The following SCFD1 variants were observed in gnomAD, a reference collection of about 807,000 sequenced individuals.
SCFD1 encodes the protein sec1 family domain containing 1, also known as sec1 family domain-containing protein 1.
Under a neutral mutation model 103.2 loss-of-function variants are expected in SCFD1, and 37 were observed. The observed-to-expected ratio is 0.36, with a 90% confidence interval of 0.28 to 0.47. The LOEUF (loss-of-function observed/expected upper bound fraction) is 0.47. SCFD1 is among the 20% of genes least tolerant of loss of function. The pLI is 1.00. For synonymous variants in SCFD1, 264 were observed against 245.0 expected, an observed-to-expected ratio of 1.08 and a Z score of -0.73; for missense variants, 639 against 761.2, an observed-to-expected ratio of 0.84 and a Z score of 1.89.
intron 14 of SCFD1, among the ~76,000 whole-genome samples, chr14:30,675,642 A>G (rs1348583757): frequency 2.0e-5 from 3 of 149,696 alleles, no homozygotes; most frequent in Non-Finnish European, 4.4e-5. Flanking sequence ...GTATTCTGCT[A>G]TTATTTGTTC....
chr14:30,710,457 C>CT (rs201252038), intron 19 of SCFD1, among the ~76,000 whole-genome samples: 5,451 of 150,526 alleles, frequency 0.036, 151 homozygotes, highest in African/African-American at 0.062. Flanking sequence ...TCAATGTAGT[C>CT]TTTTTTTTGT....
chr14:30,657,838 G>C (rs1307961874), intron 10 of SCFD1, among the ~76,000 whole-genome samples: 1 of 151,976 alleles, frequency 6.6e-6, no homozygotes, highest in African/African-American at 2.4e-5. Context: ...AAATGTCTTT[G>C]CCTGAAAATC....
intron 19 of SCFD1, among the ~76,000 whole-genome samples, chr14:30,714,191 CAA>C (rs11439842): frequency 7.0e-6 from 1 of 143,242 alleles, no homozygotes. Flanking sequence ...ACTAAAAATA[CAA>C]AAAAAAAAAA....
intron 18 of SCFD1, 35 bp downstream of exon 18, chr14:30,705,920 A>T: frequency 6.5e-7 from 1 of 1,537,920 alleles, no homozygotes; most frequent in Non-Finnish European, 9.0e-7. Context: ...GCATCTTTGT[A>T]CTCAAAACCT....
chr14:30,668,080 C>T (rs1371685184), intron 10 of SCFD1, among the ~76,000 whole-genome samples: 22 of 152,238 alleles, frequency 1.4e-4, no homozygotes, highest in African/African-American at 3.9e-4. Flanking sequence ...AAAAAGAGCC[C>T]GCATTGCCAA....
In SCFD1 at chr14:30,707,906, T is replaced by G. The variant is rs1435215562; in HGVS notation, c.1554-84T>G. The G allele has an allele frequency of 4.4e-6, 4 of 910,350 alleles. No homozygotes were observed. In the South Asian group the frequency reaches 5.2e-5, roughly 12 times the overall value. The allele number at this position is 910,350 out of a possible 1,614,324, so 56.4% of individuals were successfully genotyped here. On this transcript the variant is annotated intron_variant, in intron 18 of 24. Transcript: ENST00000458591. ...GTACAGCGAGCATCAGCATGTGGTGTGTAATCAGGTAAATATTTTATCGAT... is the reference window on the plus strand; with the variant it reads ...GTACAGCGAGCATCAGCATGTGGTGGGTAATCAGGTAAATATTTTATCGAT...
At chr14:30,707,399 G>T (rs901899548) in intron 18 of SCFD1, among the ~76,000 whole-genome samples, 7 of 152,174 alleles carry the variant, frequency 4.6e-5, no homozygotes, top group Admixed American at 2.0e-4. Context: ...AACATTCTCA[G>T]AGTTGAGGCA....
At position 30,734,835 on chromosome 14, in the gene SCFD1, A is replaced by C; in HGVS notation, c.1882A>C (p.Asn628His). The change falls in exon 24 of 25, where the codon AAT (asparagine) becomes CAT (histidine). Residue 628 changes from asparagine to histidine, a missense_variant. Asn to His is a moderately conservative substitution (Grantham distance 68, BLOSUM62 1). Transcript: ENST00000458591. ...TTTATATGGCTGCAGTGAGCTTTTT[A>C]ATGCTACACAGTTCATAAAACAGGT... is the stretch of plus-strand genomic sequence containing the variant. ...HILYGCSELFNATQFIKQLSQ... is the reference protein window; with the variant it reads ...HILYGCSELFHATQFIKQLSQ... 1 of 1,613,214 alleles carries C rather than the reference A, an allele frequency of 6.2e-7. No individual in the cohort carries two copies. Among genetic ancestry groups the C allele is most frequent in the Non-Finnish European group, 8.5e-7 (1 of 1,179,268 alleles).
chr14:30,642,687 G>A (rs927088869), intron 6 of SCFD1, among the ~76,000 whole-genome samples: 3 of 152,070 alleles, frequency 2.0e-5, no homozygotes, highest in Non-Finnish European at 4.4e-5. Flanking sequence ...AGGCCATCTA[G>A]TGTTTATGAA....
In SCFD1 at chr14:30,730,805, G is replaced by A. The variant is rs1323678171; in HGVS notation, c.1837-3985G>A. Among the ~76,000 whole-genome samples the A allele has an allele frequency of 9.9e-5, 15 of 152,282 alleles. No homozygotes were observed. In the South Asian group the frequency reaches 1.5e-3, roughly 15 times the overall value. On this transcript the variant is annotated intron_variant, in intron 23 of 24. Transcript: ENST00000458591. ...TTTTCTCCCATTCTTTAGGTTGCCTGTTCACTCTGATGGTAGTTTCTTTTG... is the reference window on the plus strand; with the variant it reads ...TTTTCTCCCATTCTTTAGGTTGCCTATTCACTCTGATGGTAGTTTCTTTTG...
intron 14 of SCFD1, among the ~76,000 whole-genome samples, chr14:30,693,938 T>G (rs1890500478): frequency 6.6e-6 from 1 of 152,174 alleles, no homozygotes; most frequent in African/African-American, 2.4e-5. Context: ...GTTAACTTTA[T>G]TTGGATAATT....
Position 30,627,658 on chromosome 14 carries a change from G to A in SCFD1, c.62-551G>A, listed in dbSNP as rs371789871. On this transcript the variant is annotated intron_variant, in intron 1 of 24. Coordinates refer to ENST00000458591, the MANE Select transcript of SCFD1 (RefSeq NM_016106.4). ...CTACTCGGGAGGCTGAAGCAGAACT[G>A]CTTGAACCTGGGAGGCAGAGGTTGT... is the stretch of plus-strand genomic sequence containing the variant. Among the ~76,000 whole-genome samples the A allele has an allele frequency of 9.6e-4, 145 of 150,700 alleles. 1 individual carries two copies. The highest frequency in any genetic ancestry group is 3.2e-3 in the African/African-American group (132 of 41,044).
chr14:30,634,176 A>G, intron 4 of SCFD1, 139 bp downstream of exon 4: 1 of 583,804 alleles, frequency 1.7e-6, no homozygotes, highest in South Asian at 2.2e-5. Context: ...ACTATCTTTG[A>G]ATTCCAAATA....
rs1418446461 is a variant in SCFD1 at position 30,628,269 on chromosome 14, C to G, written c.122C>G (p.Pro41Arg). 1 of 1,607,192 alleles carries G rather than the reference C, an allele frequency of 6.2e-7. No individual in the cohort carries two copies. Among genetic ancestry groups the G allele is most frequent in the East Asian group, 2.2e-5 (1 of 44,734 alleles). Residue 41 changes from proline to arginine, a missense_variant, in exon 2 of 25, where the codon CCA becomes CGA. By Grantham distance (103) the Pro-to-Arg change is moderately radical. Coordinates refer to ENST00000458591, the MANE Select transcript of SCFD1 (RefSeq NM_016106.4). ...VPHIKNSTGE[P>R]VWKVLIYDRF... ...CATATTAAAAACAGCACAGGAGAAC[C>G]AGTATGGAAGGTAAGAGTTTATCTT...
intron 20 of SCFD1, 32 bp downstream of exon 20, chr14:30,716,009 T>C: frequency 7.8e-7 from 1 of 1,279,308 alleles, no homozygotes; most frequent in Non-Finnish European, 1.1e-6. Flanking sequence ...TTGTGTAAAT[T>C]CCCGAATGTG....
intron 17 of SCFD1, among the ~76,000 whole-genome samples, chr14:30,703,424 C>T (rs1308820904): frequency 1.3e-5 from 2 of 150,636 alleles, no homozygotes; most frequent in Admixed American, 6.7e-5. Flanking sequence ...CACATAAAAA[C>T]ATGTAATTAC....
Position 30,631,576 on chromosome 14 carries a change from A to T in SCFD1, c.221+1011A>T, listed in dbSNP as rs542247314. ...GTCTATATTTTTTTAAAAAAAAGGA[A>T]TATCTAATTAATCATTAATATGAAA... On this transcript the variant is annotated intron_variant, in intron 3 of 24. Coordinates refer to ENST00000458591, the MANE Select transcript of SCFD1 (RefSeq NM_016106.4). Among the ~76,000 whole-genome samples the T allele has an allele frequency of 2.6e-4, 40 of 152,310 alleles. 1 individual carries two copies. The South Asian group carries it at 7.9e-3, about 30-fold the overall frequency.
At chr14:30,665,500 C>G (rs1220690816) in intron 10 of SCFD1, among the ~76,000 whole-genome samples, 2 of 152,144 alleles carry the variant, frequency 1.3e-5, no homozygotes, top group African/African-American at 4.8e-5. Context: ...GGCAGAATAA[C>G]CAGCAAATAT....
At chr14:30,656,693 C>T (rs958384917) in intron 10 of SCFD1, among the ~76,000 whole-genome samples, 2 of 151,866 alleles carry the variant, frequency 1.3e-5, no homozygotes, top group Non-Finnish European at 2.9e-5. Context: ...AAGGAAGACA[C>T]CTAATTCCAG....
Sources: allele counts gnomAD v4.1 joint callset (sites outside exome capture counted in the v4.1 genomes callset), GRCh38; gene constraint gnomAD v4.1.1; transcripts MANE v1.5; gene names NCBI Gene and HGNC (gene_info 2026-07-23, HGNC 2026-07-21).